Variants in PLXNB2 observed in about 807,000 individuals in gnomAD.
PLXNB2 encodes plexin-B2.
In PLXNB2, 85 loss-of-function variants were observed where a neutral mutation model predicts 202.6. That is an observed-to-expected ratio of 0.42 (90% CI 0.35 to 0.50). PLXNB2 has a LOEUF of 0.50. Among genes scored for constraint, PLXNB2 ranks in the 20% least tolerant of loss-of-function variants. PLXNB2 has a pLI of 0.02. For missense variants in PLXNB2, 2,063 were observed against 2,586.2 expected (o/e 0.80, Z 4.39); for synonymous variants, 1,239 against 1,137.6 (o/e 1.09, Z -1.79).
rs776150734 is a variant in PLXNB2 at position 50,287,253 on chromosome 22, G to A, written c.1620C>T (p.Thr540=). The A allele has an allele frequency of 1.8e-5, 28 of 1,521,658 alleles. No individual in the cohort carries two copies. The highest frequency in any genetic ancestry group is 6.3e-5 in the South Asian group (5 of 80,000). The allele number at this position is 1,521,658 out of a possible 1,614,324, so 94.3% of individuals were successfully genotyped here. Residue 540 remains threonine (T), a synonymous_variant, in exon 8 of 37, where the codon ACC becomes ACT. Coordinates refer to ENST00000359337, the MANE Select transcript of PLXNB2 (RefSeq NM_012401.4). The part of the protein sequence containing the change: ...SRRAQGEVQL[T]VSPLPALSEE... ...CGCTCAGGGCAGGGAGGGGGCTGAC[G>A]GTCAGCTGCACCTGAGGGAGGGGCC...
chr22:50,281,609 C>T lies in PLXNB2; in HGVS notation c.3479G>A (p.Arg1160Gln), dbSNP rs1471607896. ...EPPEVQPPPKRRQKRDTTHNL... is the reference protein window; with the variant it reads ...EPPEVQPPPKQRQKRDTTHNL... ...GTGTGTGGTGTCTCGTTTCTGCCGC[C>T]GCTTGGGCGGGGGCTGCACCTCCGG... Residue 1160 changes from arginine to glutamine, a missense_variant, in exon 21 of 37, where the codon CGG (arginine) becomes CAG (glutamine). Around this residue, in one of 2 missense-constraint regions of PLXNB2, gnomAD observed 760 missense variants for 1,109.4 expected, o/e 0.69. Transcript: ENST00000359337. The T allele has an allele frequency of 5.0e-6, 8 of 1,610,034 alleles. No individual in the cohort carries two copies. Among genetic ancestry groups the T allele is most frequent in the Non-Finnish European group, 6.8e-6 (8 of 1,178,244 alleles).
rs2066695722 is a variant in PLXNB2 at position 50,289,256 on chromosome 22, A to C, written c.1069-114T>G. ...CCCTTCCCTCCGGCACACGTCCTACACACGTCCCCGAGAACAGAACCCACA... is the reference window on the plus strand; with the variant it reads ...CCCTTCCCTCCGGCACACGTCCTACCCACGTCCCCGAGAACAGAACCCACA... On this transcript the variant is annotated intron_variant, in intron 3 of 36. Coordinates refer to ENST00000359337, the MANE Select transcript of PLXNB2 (RefSeq NM_012401.4). The surrounding 1 kb of genome is among the most constrained non-coding windows in gnomAD (Gnocchi z 8.0). 1 of 1,046,922 alleles carries C rather than the reference A, an allele frequency of 9.6e-7. No homozygotes were observed. Among genetic ancestry groups the C allele is most frequent in the Non-Finnish European group, 1.3e-6 (1 of 743,578 alleles). The allele number at this position is 1,046,922 out of a possible 1,614,324, so 64.9% of individuals were successfully genotyped here.
At chr22:50,300,346 G>A (rs1601775576) in intron 1 of PLXNB2, 1 of 985,136 alleles carries the variant, frequency 1.0e-6, no homozygotes, top group Non-Finnish European at 1.2e-6. Flanking sequence ...AAGGGGCGCG[G>A]GGAGCAGCTC....
rs1013047603 is a variant in PLXNB2 at position 50,276,081 on chromosome 22, C to T, written c.5338-118G>A. 7.5e-6 allele frequency: 7 copies of T among 933,900 alleles called. No individual in the cohort carries two copies. The African/African-American group carries it at 1.1e-4, about 15-fold the overall frequency. 57.9% of individuals were successfully genotyped at this position (933,900 alleles called of 1,614,324 possible). A position where few individuals can be genotyped will look rare whatever the true frequency, so the allele number is the denominator to read the frequency against. On this transcript the variant is annotated intron_variant, in intron 35 of 36. Transcript: ENST00000359337. ...CCGGGGAAGCAGCTGGGGCCTTGGGCACAGCTGGCACTTGGGGCCCCCCAT... is the reference window on the plus strand; with the variant it reads ...CCGGGGAAGCAGCTGGGGCCTTGGGTACAGCTGGCACTTGGGGCCCCCCAT...
chr22:50,283,510 C>G, intron 15 of PLXNB2, 65 bp from the exon 16 acceptor site: 6 of 1,503,708 alleles, frequency 4.0e-6, no homozygotes, highest in Non-Finnish European at 5.5e-6. Context: ...GACACCCTCA[C>G]CCCCTCAGCC....
Position 50,277,877 on chromosome 22 carries a change from G to T in PLXNB2, c.5024C>A (p.Thr1675Asn). 1 of 1,613,104 alleles carries T rather than the reference G, an allele frequency of 6.2e-7. No individual in the cohort carries two copies. The highest frequency in any genetic ancestry group is 8.5e-7 in the Non-Finnish European group (1 of 1,179,918). ...CCTGTTCGTCTTCCAGATGTGGATG[G>T]TGTCTTCATCCTGGATGTTGTGCTT... is the stretch of plus-strand genomic sequence containing the variant. ...AEKHNIQDED[T>N]IHIWKTNSLP... The change falls in exon 32 of 37, where the codon ACC becomes AAC. Residue 1675 changes from threonine (T) to asparagine (N), a missense_variant. This residue lies in a region of PLXNB2 where 760 missense variants were observed against 1,109.4 expected (regional missense o/e 0.69). Transcript: ENST00000359337.
intron 2 of PLXNB2, 32 bp from the exon 3 acceptor site, chr22:50,290,629 C>T (rs1287162572): frequency 4.0e-6 from 6 of 1,513,316 alleles, no homozygotes; most frequent in Admixed American, 2.1e-5. Flanking sequence ...AGGGGAGCCC[C>T]GACCCAGAGG....
At chr22:50,283,257 A>G (rs2066151642) in intron 16 of PLXNB2, 71 bp from the exon 17 acceptor site, 53 of 1,605,182 alleles carry the variant, frequency 3.3e-5, no homozygotes, top group Non-Finnish European at 4.2e-5. Context: ...CTGGATGGTA[A>G]CTGTCGTGGG....
rs1271536295 is a variant in PLXNB2, at chr22:50,277,696, G to C, written c.5091C>G (p.His1697Gln). The C allele has an allele frequency of 6.2e-7, 1 of 1,607,184 alleles. No individual in the cohort carries two copies. The highest frequency in any genetic ancestry group is 1.7e-5 in the Admixed American group (1 of 59,614). The change falls in exon 33 of 37, where the codon CAC (histidine) becomes CAG (glutamine). Residue 1697 changes from histidine to glutamine, a missense_variant. His to Gln is a conservative substitution (Grantham distance 24). Coordinates refer to ENST00000359337, the MANE Select transcript of PLXNB2 (RefSeq NM_012401.4). ...RFWVNILKNP[H>Q]FIFDVHVHEV... ...CGTGGACATGCACGTCAAAGATGAA[G>C]TGGGGGTTCTTGAGGATGTTCACCC...
At chr22:50,290,724 C>A (rs977694785) in intron 2 of PLXNB2, 127 bp from the exon 3 acceptor site, 27 of 1,022,768 alleles carry the variant, frequency 2.6e-5, no homozygotes, top group Middle Eastern at 6.4e-4. Context: ...AACTGAGGAA[C>A]CTGGAGCTCC....
chr22:50,279,000 C>A lies in PLXNB2; in HGVS notation c.4401G>T (p.Val1467=). 1 of 1,609,298 alleles carries A rather than the reference C, an allele frequency of 6.2e-7. No homozygotes were observed. Among genetic ancestry groups the A allele is most frequent in the Non-Finnish European group, 8.5e-7 (1 of 1,177,234 alleles). Residue 1467 remains valine, a synonymous_variant, in exon 28 of 37, where the codon GTG becomes GTT. Transcript: ENST00000359337. ...CGTCCACTCCCTCGTCCTGCACGAT[C>A]ACGCTCACCGTCTGCCGAGACATCC... ...DVEYAPLTVS[V]IVQDEGVDAI... is the part of the protein sequence containing the mutation.
At chr22:50,303,920 G>T (rs1361956322) in intron 1 of PLXNB2, among the ~76,000 whole-genome samples, 1 of 152,196 alleles carries the variant, frequency 6.6e-6, no homozygotes, top group African/African-American at 2.4e-5. Flanking sequence ...GACCTTAGGG[G>T]GCTGAGGAAG....
At chr22:50,295,535 G>GCTTGCTATTGTATCTTCC (rs1377163910) in intron 1 of PLXNB2, among the ~76,000 whole-genome samples, 5 of 152,156 alleles carry the variant, frequency 3.3e-5, no homozygotes, top group Admixed American at 3.3e-4. Flanking sequence ...ATTCAGCAAT[G>GCTTGCTATTGTATCTTCC]CTTGCTATTG....
chr22:50,290,289 AGCTGGT>A lies in PLXNB2; in HGVS notation c.290_295del (p.Asn97_Leu99delinsMet). The A allele has an allele frequency of 6.2e-7, 1 of 1,611,940 alleles. No individual in the cohort carries two copies. Among genetic ancestry groups the A allele is most frequent in the Non-Finnish European group, 8.5e-7 (1 of 1,180,010 alleles). On this transcript the variant is annotated inframe_deletion, in exon 3 of 37. Transcript: ENST00000359337. Reference sequence around the variant, plus strand: ...CTTCCTGGGAGGGTCGAGCAGCAGCAGCTGGTTGACATTGTCAGTCATCTCAGCCTC... The same window carrying A: ...CTTCCTGGGAGGGTCGAGCAGCAGCATGACATTGTCAGTCATCTCAGCCTC...
chr22:50,304,526 G>T (rs1249647694), intron 1 of PLXNB2, among the ~76,000 whole-genome samples: 2 of 151,978 alleles, frequency 1.3e-5, no homozygotes, highest in Non-Finnish European at 2.9e-5. Flanking sequence ...ACAATCCAGG[G>T]GTATGGGAAG....
chr22:50,293,887 C>G (rs1268226600), intron 2 of PLXNB2, among the ~76,000 whole-genome samples: 1 of 152,226 alleles, frequency 6.6e-6, no homozygotes, highest in Non-Finnish European at 1.5e-5. Flanking sequence ...CAATAAACAC[C>G]ACCGTGTGCC....
intron 1 of PLXNB2, among the ~76,000 whole-genome samples, chr22:50,298,739 A>G (rs1345731364): frequency 6.6e-6 from 1 of 152,180 alleles, no homozygotes; most frequent in African/African-American, 2.4e-5. Flanking sequence ...CCTGCCTCCC[A>G]GGTTGAAGCA....
Position 50,290,097 on chromosome 22 carries a change from C to A in PLXNB2, c.488G>T (p.Gly163Val), listed in dbSNP as rs767220661. The change falls in exon 3 of 37, where the codon GGT becomes GTT. Residue 163 changes from glycine (G) to valine (V), a missense_variant. Physicochemically the swap from Gly to Val is moderately radical, Grantham distance 109. This residue lies in a region of PLXNB2 where 1,303 missense variants were observed against 1,476.8 expected (regional missense o/e 0.88). Transcript: ENST00000359337. ...TVGLVSSTGP[G>V]GDRVLFVGKG... ...GCCCACAAACAGCACGCGGTCACCA[C>A]CAGGACCCGTGGAGCTCACCAGCCC... 3 of 1,613,040 alleles carry A rather than the reference C, an allele frequency of 1.9e-6. No homozygotes were observed. The highest frequency in any genetic ancestry group is 1.7e-6 in the Non-Finnish European group (2 of 1,180,020).
intron 8 of PLXNB2, among the ~76,000 whole-genome samples, chr22:50,286,851 G>A (rs1431296420): frequency 1.3e-5 from 2 of 152,324 alleles, no homozygotes; most frequent in Admixed American, 6.5e-5. Flanking sequence ...CGCTCCGGAC[G>A]TGATGAGGGA....
Sources: allele counts gnomAD v4.1 joint callset (sites outside exome capture counted in the v4.1 genomes callset), GRCh38; gene constraint gnomAD v4.1.1; regional missense constraint gnomAD v4.1.1; non-coding constraint Gnocchi (gnomAD v3.1); transcripts MANE v1.5; gene names NCBI Gene and HGNC (gene_info 2026-07-23, HGNC 2026-07-21).